TRPM1: variants seen among roughly 807,000 people sequenced by gnomAD.
TRPM1 encodes transient receptor potential cation channel subfamily M member 1.
A neutral mutation model predicts 149.4 loss-of-function variants in TRPM1; 113 were observed. That is an observed-to-expected ratio of 0.76 (90% CI 0.65 to 0.88). The LOEUF is 0.88. TRPM1 is among the 40% of genes least tolerant of loss of function. The pLI is 0.00. For missense variants in TRPM1, 1,976 were observed against 2,038.7 expected, an observed-to-expected ratio of 0.97 and a Z score of 0.59; for synonymous variants, 741 against 759.5, an observed-to-expected ratio of 0.98 and a Z score of 0.40.
At chr15:31,049,045 C>A (rs1413101171) in intron 13 of TRPM1, among the ~76,000 whole-genome samples, 1 of 152,218 alleles carries the variant, frequency 6.6e-6, no homozygotes, top group Non-Finnish European at 1.5e-5. Context: ...GAACAATTGA[C>A]TTCTCACCCT....
intron 1 of TRPM1, among the ~76,000 whole-genome samples, chr15:31,113,299 A>C (rs543591251): frequency 1.5e-4 from 23 of 152,284 alleles, no homozygotes; most frequent in African/African-American, 4.8e-4. Flanking sequence ...CTAACTCTCC[A>C]GGAAGAGTGC....
At chr15:31,086,447 C>T (rs922070855) in intron 1 of TRPM1, among the ~76,000 whole-genome samples, 1 of 152,252 alleles carries the variant, frequency 6.6e-6, no homozygotes, top group Non-Finnish European at 1.5e-5. Context: ...AGCCCCCTGC[C>T]CCATCGCAGA....
intron 1 of TRPM1, among the ~76,000 whole-genome samples, chr15:31,150,098 G>A (rs904348744): frequency 2.6e-5 from 4 of 152,178 alleles, no homozygotes; most frequent in Admixed American, 2.0e-4. Context: ...TGTGTTGCCC[G>A]CAGCCCTAAG....
intron 4 of TRPM1, among the ~76,000 whole-genome samples, chr15:31,068,571 G>A (rs139517011): frequency 0.025 from 3,830 of 151,550 alleles, 79 homozygotes; most frequent in South Asian, 0.056. Context: ...TTGAAACCCC[G>A]TCTCTACTAA....
chr15:31,152,482 C>G (rs1404078481), intron 1 of TRPM1, among the ~76,000 whole-genome samples: 2 of 152,184 alleles, frequency 1.3e-5, no homozygotes, highest in Non-Finnish European at 2.9e-5. Context: ...TCTAAGCACC[C>G]CCAACCATCT....
chr15:31,041,279 C>T (rs576403206), intron 17 of TRPM1, among the ~76,000 whole-genome samples: 1 of 151,886 alleles, frequency 6.6e-6, no homozygotes, highest in East Asian at 1.9e-4. Context: ...CTCAGCCTCC[C>T]GAGTAGCTGG....
intron 27 of TRPM1, among the ~76,000 whole-genome samples, chr15:31,009,981 T>C (rs768726018): frequency 6.6e-6 from 1 of 152,244 alleles, no homozygotes; most frequent in African/African-American, 2.4e-5. Context: ...ATAGCTGCTT[T>C]AAAGCCTTTG....
At chr15:31,135,540 T>C (rs2036076918) in intron 1 of TRPM1, among the ~76,000 whole-genome samples, 1 of 152,208 alleles carries the variant, frequency 6.6e-6, no homozygotes, top group Non-Finnish European at 1.5e-5. Flanking sequence ...ACTAAGTTTG[T>C]AGGGATACCC....
chr15:31,100,217 CAGGCGCG>C, intron 1 of TRPM1, among the ~76,000 whole-genome samples: 1 of 151,876 alleles, frequency 6.6e-6, no homozygotes, highest in African/African-American at 2.4e-5. Flanking sequence ...GCTGGGACTA[CAGGCGCG>C]CACTACCATG....
At position 31,050,476 on chromosome 15, in the gene TRPM1, T is replaced by TTTTTCC; in HGVS notation, c.1369_1370insGGAAAA (p.Lys456_Lys457insArgLys). On this transcript the variant is annotated inframe_insertion, in exon 12 of 28. Transcript: ENST00000256552. ...CACTTCCTCTTTCACTTTCCCTTTC[T>TTTTTCC]TCTTGCCTTTCCCTTTTCCTCTTCC... 6.2e-7 allele frequency: 1 copy of TTTTTCC among 1,614,150 alleles called. No individual in the cohort carries two copies. Among genetic ancestry groups the TTTTTCC allele is most frequent in the Non-Finnish European group, 8.5e-7 (1 of 1,180,012 alleles).
intron 1 of TRPM1, among the ~76,000 whole-genome samples, chr15:31,112,885 C>T (rs531466953): frequency 6.6e-6 from 1 of 152,342 alleles, no homozygotes; most frequent in East Asian, 1.9e-4. Flanking sequence ...ATTCCTCAAA[C>T]TCATTTGCCC....
intron 20 of TRPM1, among the ~76,000 whole-genome samples, chr15:31,036,447 T>C (rs899166510): frequency 4.6e-5 from 7 of 152,158 alleles, no homozygotes; most frequent in Admixed American, 3.9e-4. Context: ...TTTCTTTTTT[T>C]TCAAGATCCT....
At chr15:31,076,517 C>T (rs1239653483) in intron 3 of TRPM1, among the ~76,000 whole-genome samples, 2 of 152,166 alleles carry the variant, frequency 1.3e-5, no homozygotes, top group Non-Finnish European at 2.9e-5. Flanking sequence ...ATAGCTAGTT[C>T]ATTCAACCGC....
Position 31,032,907 on chromosome 15 carries a change from T to C in TRPM1, c.2734A>G (p.Lys912Glu). ...TACTCCTGAAGCCAAACTTTGATTT[T>C]CTGGCTGAGTTTGCCTGGTTCTGAC... Reference protein sequence around the residue: ...LMSEPGKLSQKIKVWLQEYWN... With the variant: ...LMSEPGKLSQEIKVWLQEYWN... Residue 912 changes from lysine to glutamate, a missense_variant, in exon 22 of 28, where the codon AAA becomes GAA. Transcript: ENST00000256552. 1 of 1,614,246 alleles carries C rather than the reference T, an allele frequency of 6.2e-7. No individual in the cohort carries two copies. The highest frequency in any genetic ancestry group is 8.5e-7 in the Non-Finnish European group (1 of 1,180,050).
intron 27 of TRPM1, among the ~76,000 whole-genome samples, chr15:31,017,273 C>T (rs2032400901): frequency 6.6e-6 from 1 of 152,198 alleles, no homozygotes; most frequent in Non-Finnish European, 1.5e-5. Flanking sequence ...CACGCCACTG[C>T]ACTCCAGCCT....
chr15:31,006,280 C>T (rs7166214), intron 27 of TRPM1, among the ~76,000 whole-genome samples: 37,305 of 152,022 alleles, frequency 0.25, 4,937 homozygotes, highest in Non-Finnish European at 0.29. Flanking sequence ...CAGGTTCAAG[C>T]GATTCTCCTG....
At chr15:31,146,161 A>G (rs990320336) in intron 1 of TRPM1, among the ~76,000 whole-genome samples, 1 of 152,136 alleles carries the variant, frequency 6.6e-6, no homozygotes, top group Non-Finnish European at 1.5e-5. Flanking sequence ...AAAGTTTTAA[A>G]TGTTTGCACG....
rs1444666588 is a variant in TRPM1, at chr15:31,038,090, G to A, written c.2393C>T (p.Thr798Ile). Reference sequence around the variant, plus strand: ...TTTGCCATCCTCATTTTCCTTGGATGTTTGATACGAGAAATCATCATATGT... The same window carrying A: ...TTTGCCATCCTCATTTTCCTTGGATATTTGATACGAGAAATCATCATATGT... ...FRTYDDFSYQ[T>I]SKENEDGKEK... Residue 798 changes from threonine to isoleucine, a missense_variant, in exon 19 of 28, where the codon ACA becomes ATA. Around this residue, in one of 3 missense-constraint regions of TRPM1, gnomAD observed 1,332 missense variants for 1,347.1 expected, o/e 0.99. Transcript: ENST00000256552. The A allele has an allele frequency of 1.2e-6, 2 of 1,614,026 alleles. No homozygotes were observed. Among genetic ancestry groups the A allele is most frequent in the African/African-American group, 1.3e-5 (1 of 74,928 alleles).
chr15:31,039,109 T>C (rs1338637919), intron 18 of TRPM1, among the ~76,000 whole-genome samples: 2 of 152,046 alleles, frequency 1.3e-5, no homozygotes, highest in Non-Finnish European at 2.9e-5. Context: ...TTCTCATGCT[T>C]TTTGAATAGT....
Sources: allele counts gnomAD v4.1 joint callset (sites outside exome capture counted in the v4.1 genomes callset), GRCh38; gene constraint gnomAD v4.1.1; regional missense constraint gnomAD v4.1.1; transcripts MANE v1.5; gene names NCBI Gene and HGNC (gene_info 2026-07-23, HGNC 2026-07-21).